The following TRPC4AP variants were observed in gnomAD, a reference collection of about 807,000 sequenced individuals.
The protein encoded by TRPC4AP is short transient receptor potential channel 4-associated protein.
TRPC4AP carries 45 observed loss-of-function variants against 99.0 expected under a neutral mutation model. That is an observed-to-expected ratio of 0.45 (90% CI 0.36 to 0.58). The LOEUF (loss-of-function observed/expected upper bound fraction) is 0.58. TRPC4AP is among the 20% of genes least tolerant of loss of function. TRPC4AP has a pLI of 0.00. For missense variants in TRPC4AP, 879 were observed against 985.3 expected (o/e 0.89, Z 1.44); for synonymous variants, 408 against 385.8 (o/e 1.06, Z -0.67).
intron 7 of TRPC4AP, among the ~76,000 whole-genome samples, chr20:35,043,868 G>A (rs947779252): frequency 6.6e-6 from 1 of 152,202 alleles, no homozygotes; most frequent in African/African-American, 2.4e-5. Flanking sequence ...GACAAGAGGA[G>A]ATTAGTGTCT....
At chr20:35,016,284 C>T (rs140134901) in intron 9 of TRPC4AP, 145 bp from the exon 10 acceptor site, 35 of 916,716 alleles carry the variant, frequency 3.8e-5, no homozygotes, top group South Asian at 1.3e-4. Context: ...AGAAAACATC[C>T]GTGTATCCCC....
chr20:35,050,081 A>G, intron 5 of TRPC4AP, 87 bp from the exon 6 acceptor site: 1 of 1,445,028 alleles, frequency 6.9e-7, no homozygotes, highest in Non-Finnish European at 9.3e-7. Flanking sequence ...ACTGAAAAGC[A>G]GTTTCACCTC....
At chr20:35,040,812 T>C (rs1256419723) in intron 7 of TRPC4AP, among the ~76,000 whole-genome samples, 2 of 152,138 alleles carry the variant, frequency 1.3e-5, no homozygotes, top group Non-Finnish European at 2.9e-5. Context: ...CCGCCTGTGA[T>C]CGTGTGAGCC....
At chr20:35,024,815 G>A (rs915087452) in intron 8 of TRPC4AP, among the ~76,000 whole-genome samples, 4 of 75,166 alleles carry the variant, frequency 5.3e-5, no homozygotes, top group Non-Finnish European at 7.9e-5. Context: ...GTGACAGAGA[G>A]AGACCGTCTC....
chr20:35,035,045 C>A (rs1240690832), intron 8 of TRPC4AP, 78 bp downstream of exon 8: 14 of 1,453,916 alleles, frequency 9.6e-6, no homozygotes, highest in African/African-American at 2.8e-5. Context: ...ATTAATCCTT[C>A]TTGGAAAGAA....
chr20:35,041,157 G>GAAAGGCCTCAACCAGGAA (rs1191020133), intron 7 of TRPC4AP, among the ~76,000 whole-genome samples: 1 of 152,122 alleles, frequency 6.6e-6, no homozygotes. Flanking sequence ...TGTTAGTTAA[G>GAAAGGCCTCAACCAGGAA]CCACCTAGTC....
At chr20:35,021,446 ATGGCC>A in intron 8 of TRPC4AP, 90 bp from the exon 9 acceptor site, 1 of 1,441,992 alleles carries the variant, frequency 6.9e-7, no homozygotes, top group Non-Finnish European at 9.3e-7. Flanking sequence ...GACTTGTAGC[ATGGCC>A]ATTCGGCTGG....
At chr20:35,062,765 TG>T (rs1254624357) in intron 3 of TRPC4AP, among the ~76,000 whole-genome samples, 1 of 152,202 alleles carries the variant, frequency 6.6e-6, no homozygotes, top group African/African-American at 2.4e-5. Context: ...TAAAATCAAT[TG>T]TGGTGACAGT....
In TRPC4AP at chr20:35,031,169, G is replaced by T. The variant is rs141677317; in HGVS notation, c.1051+3954C>A. Among the ~76,000 whole-genome samples the T allele has an allele frequency of 3.4e-4, 51 of 152,022 alleles. 1 individual carries two copies. Among genetic ancestry groups the T allele is most frequent in the Non-Finnish European group, 7.4e-5 (5 of 67,974 alleles). On this transcript the variant is annotated intron_variant, in intron 8 of 18. Transcript: ENST00000252015. ...GAGCAGTCAGCCACTAATCTTATTG[G>T]AATATCCTTGGGCATGATGAGCCAT...
intron 8 of TRPC4AP, among the ~76,000 whole-genome samples, chr20:35,030,801 AAGG>A (rs1201115623): frequency 6.6e-6 from 1 of 152,340 alleles, no homozygotes; most frequent in African/African-American, 2.4e-5. Context: ...AACTGAAGAA[AAGG>A]AGAAGAAATA....
chr20:35,021,453 T>G, intron 8 of TRPC4AP, 97 bp from the exon 9 acceptor site: 3 of 1,373,830 alleles, frequency 2.2e-6, no homozygotes, highest in Non-Finnish European at 3.0e-6. Context: ...AGCATGGCCA[T>G]TCGGCTGGGC....
intron 3 of TRPC4AP, among the ~76,000 whole-genome samples, chr20:35,065,359 C>G (rs775488611): frequency 6.6e-6 from 1 of 152,190 alleles, no homozygotes; most frequent in Non-Finnish European, 1.5e-5. Context: ...GATGAGCTTG[C>G]TCTGGGTCTG....
chr20:35,044,604 T>C lies in TRPC4AP; in HGVS notation c.766A>G (p.Met256Val). The change falls in exon 7 of 19, where the codon ATG becomes GTG. Residue 256 changes from methionine to valine, a missense_variant. This residue lies in a region of TRPC4AP where 603 missense variants were observed against 631.8 expected (regional missense o/e 0.95). Coordinates refer to ENST00000252015, the MANE Select transcript of TRPC4AP (RefSeq NM_015638.3). ...CRILAVTISE[M>V]DTGNDDKHTL... Reference sequence around the variant, plus strand: ...TGCTTGTCATCATTCCCTGTATCCATCTCTGAAATGGTGACAGCCAGAATC... The same window carrying C: ...TGCTTGTCATCATTCCCTGTATCCACCTCTGAAATGGTGACAGCCAGAATC... 3 of 1,614,080 alleles carry C rather than the reference T, an allele frequency of 1.9e-6. No homozygotes were observed. Among genetic ancestry groups the C allele is most frequent in the South Asian group, 1.1e-5 (1 of 91,080 alleles).
At chr20:35,013,319 C>T (rs1466740256) in intron 10 of TRPC4AP, among the ~76,000 whole-genome samples, 3 of 152,260 alleles carry the variant, frequency 2.0e-5, no homozygotes, top group East Asian at 3.9e-4. Flanking sequence ...GGTGGTTACA[C>T]CTGTAATCAC....
At chr20:35,057,639 T>TGAATGGTTATGGCAA in intron 3 of TRPC4AP, 68 bp from the exon 4 acceptor site, 6 of 1,309,026 alleles carry the variant, frequency 4.6e-6, no homozygotes, top group Non-Finnish European at 6.5e-6. Flanking sequence ...GATTTTGCCA[T>TGAATGGTTATGGCAA]AACCATTCAT....
intron 8 of TRPC4AP, among the ~76,000 whole-genome samples, chr20:35,026,870 G>A (rs1447178721): frequency 1.3e-5 from 2 of 151,950 alleles, no homozygotes; most frequent in Non-Finnish European, 2.9e-5. Context: ...CTACTCTATA[G>A]AAATACTACT....
chr20:35,034,444 A>T (rs1201564576), intron 8 of TRPC4AP, among the ~76,000 whole-genome samples: 2 of 152,084 alleles, frequency 1.3e-5, no homozygotes, highest in Non-Finnish European at 2.9e-5. Flanking sequence ...TGAGTACAGT[A>T]TGGAGCTGGG....
intron 8 of TRPC4AP, among the ~76,000 whole-genome samples, chr20:35,027,414 G>T (rs1234350550): frequency 2.0e-5 from 3 of 152,150 alleles, no homozygotes; most frequent in Non-Finnish European, 4.4e-5. Context: ...TACAATCCTT[G>T]TATGTTGCTA....
chr20:35,022,617 C>T (rs2082919347), intron 8 of TRPC4AP, among the ~76,000 whole-genome samples: 1 of 152,126 alleles, frequency 6.6e-6, no homozygotes, highest in African/African-American at 2.4e-5. Flanking sequence ...TCCCTAGAGG[C>T]CTTTTGCAAA....
Sources: gnomAD v4.1 joint callset for allele counts (sites outside exome capture counted in the v4.1 genomes callset) on GRCh38, gnomAD v4.1.1 for gene constraint, gnomAD v4.1.1 regional missense constraint, MANE v1.5 for transcripts, NCBI Gene and HGNC (gene_info 2026-07-23, HGNC 2026-07-21) for gene names.